The following GUCY1A2 variants were observed in gnomAD, a reference collection of about 807,000 sequenced individuals.
GUCY1A2 encodes guanylate cyclase soluble subunit alpha-2.
In GUCY1A2, 27 loss-of-function variants were observed where a neutral mutation model predicts 63.5. The ratio of observed to expected loss-of-function variants is 0.43; its 90% CI spans 0.31 to 0.59. GUCY1A2 has a LOEUF of 0.59. Among genes scored for constraint, GUCY1A2 ranks in the 20% least tolerant of loss-of-function variants. The pLI is 0.11. For synonymous variants in GUCY1A2, 364 were observed against 343.5 expected (o/e 1.06, Z -0.66); for missense variants, 768 against 913.3 (o/e 0.84, Z 2.05).
At chr11:106,895,958 G>A (rs1160217974) in intron 4 of GUCY1A2, among the ~76,000 whole-genome samples, 1 of 150,860 alleles carries the variant, frequency 6.6e-6, no homozygotes, top group Admixed American at 6.6e-5. Context: ...AGGTTTCAGT[G>A]AGCCAAGATC....
intron 1 of GUCY1A2, among the ~76,000 whole-genome samples, chr11:106,992,325 C>CT (rs11297661): frequency 0.043 from 4,940 of 113,748 alleles, 169 homozygotes; most frequent in African/African-American, 0.06. Flanking sequence ...AAGAATATGT[C>CT]TTTTTTTTTT....
chr11:106,844,646 G>A (rs1859247146), intron 4 of GUCY1A2, among the ~76,000 whole-genome samples: 1 of 151,820 alleles, frequency 6.6e-6, no homozygotes, highest in African/African-American at 2.4e-5. Flanking sequence ...TAAGCCTGTG[G>A]TCAAAGCAGA....
intron 3 of GUCY1A2, among the ~76,000 whole-genome samples, chr11:106,973,554 T>A (rs528931447): frequency 9.9e-5 from 15 of 152,086 alleles, no homozygotes; most frequent in Non-Finnish European, 1.9e-4. Flanking sequence ...TGTGACATCA[T>A]GACGATTCTA....
At chr11:107,012,516 G>C (rs1233784785) in intron 1 of GUCY1A2, among the ~76,000 whole-genome samples, 2 of 152,076 alleles carry the variant, frequency 1.3e-5, no homozygotes, top group African/African-American at 4.8e-5. Flanking sequence ...TCACAAAAGA[G>C]GAAACTAAGG....
intron 4 of GUCY1A2, among the ~76,000 whole-genome samples, chr11:106,929,553 T>C (rs946428335): frequency 6.6e-6 from 1 of 152,204 alleles, no homozygotes; most frequent in South Asian, 2.1e-4. Context: ...GTTTATAATA[T>C]GGATACTCTC....
chr11:107,007,305 C>T (rs944227391), intron 1 of GUCY1A2, among the ~76,000 whole-genome samples: 2 of 152,056 alleles, frequency 1.3e-5, no homozygotes, highest in East Asian at 1.9e-4. Flanking sequence ...TCAGCTACTC[C>T]GAGAGAGTGA....
At chr11:106,907,405 T>A (rs896185653) in intron 4 of GUCY1A2, among the ~76,000 whole-genome samples, 2 of 118,962 alleles carry the variant, frequency 1.7e-5, no homozygotes, top group Non-Finnish European at 1.8e-5. Flanking sequence ...TTCTTTTTTT[T>A]AATTTTATTA....
At chr11:106,796,353 A>T (rs1409671813) in intron 5 of GUCY1A2, among the ~76,000 whole-genome samples, 1 of 152,094 alleles carries the variant, frequency 6.6e-6, no homozygotes, top group Non-Finnish European at 1.5e-5. Context: ...GTCATTATGA[A>T]TTTAGCTGGT....
intron 3 of GUCY1A2, among the ~76,000 whole-genome samples, chr11:106,969,660 A>G (rs945790765): frequency 1.3e-5 from 2 of 152,236 alleles, no homozygotes; most frequent in Non-Finnish European, 2.9e-5. Context: ...TGAGTTTGAC[A>G]TATGAAGTGA....
At chr11:106,759,041 G>A (rs560288453) in intron 6 of GUCY1A2, among the ~76,000 whole-genome samples, 92 of 152,042 alleles carry the variant, frequency 6.1e-4, no homozygotes, top group African/African-American at 2.0e-3. Flanking sequence ...TCAAACAAAT[G>A]TAGTGACTAT....
Position 107,018,050 on chromosome 11 carries a change from A to C in GUCY1A2, c.6T>G (p.Ser2=), listed in dbSNP as rs370038508. The change falls in exon 1 of 8, where the codon TCT becomes TCG. Residue 2 remains serine, a synonymous_variant. Coordinates refer to ENST00000526355, the MANE Select transcript of GUCY1A2 (RefSeq NM_000855.3). ...AGGACTCGGACGAAATCTTCCTTCG[A>C]GACATGCTGCCGGCGGAGCTGCAGC... M[S]RRKISSESFS... The C allele has an allele frequency of 8.9e-6, 13 of 1,458,896 alleles. No individual in the cohort carries two copies. In the South Asian group the frequency reaches 1.7e-4, roughly 19 times the overall value. The allele number at this position is 1,458,896 out of a possible 1,614,324, so 90.4% of individuals were successfully genotyped here. A position where few individuals can be genotyped will look rare whatever the true frequency, so the allele number is the denominator to read the frequency against.
At chr11:106,740,580 T>G (rs1863675854) in intron 6 of GUCY1A2, among the ~76,000 whole-genome samples, 1 of 152,178 alleles carries the variant, frequency 6.6e-6, no homozygotes, top group South Asian at 2.1e-4. Context: ...TCCATGGATC[T>G]TTCCTCAAAT....
At chr11:106,718,503 A>G (rs1466495534) in intron 6 of GUCY1A2, among the ~76,000 whole-genome samples, 1 of 152,142 alleles carries the variant, frequency 6.6e-6, no homozygotes, top group Non-Finnish European at 1.5e-5. Context: ...CAGGGCACTC[A>G]TTAATGTGTA....
chr11:106,847,005 T>C (rs1859282528), intron 4 of GUCY1A2, among the ~76,000 whole-genome samples: 2 of 151,122 alleles, frequency 1.3e-5, no homozygotes, highest in South Asian at 4.2e-4. Flanking sequence ...TATAAGAAAA[T>C]AAAAGGTTCT....
chr11:106,948,145 A>G (rs1014798067), intron 3 of GUCY1A2, among the ~76,000 whole-genome samples: 1 of 152,178 alleles, frequency 6.6e-6, no homozygotes, highest in South Asian at 2.1e-4. Context: ...ATTAGGAAAA[A>G]AACTAGATGA....
At chr11:107,009,249 C>T (rs191048710) in intron 1 of GUCY1A2, among the ~76,000 whole-genome samples, 2,050 of 152,206 alleles carry the variant, frequency 0.013, 29 homozygotes, top group South Asian at 0.044. Context: ...GATATCTGAA[C>T]CTCCTATTGT....
chr11:106,822,921 G>C (rs1013583860), intron 4 of GUCY1A2, among the ~76,000 whole-genome samples: 2 of 152,118 alleles, frequency 1.3e-5, no homozygotes, highest in Non-Finnish European at 2.9e-5. Context: ...GGAGAATAGG[G>C]AATAGGATAC....
rs973478283 is a variant in GUCY1A2 at position 106,683,334 on chromosome 11, C to T, written c.*4215G>A. The T allele has an allele frequency of 5.4e-5, 12 of 222,852 alleles. No individual in the cohort carries two copies. The highest frequency in any genetic ancestry group is 1.4e-3 in the Middle Eastern group (1 of 720). The allele number at this position is 222,852 out of a possible 1,614,324, so 13.8% of individuals were successfully genotyped here. The stretch of plus-strand genomic sequence containing the variant: ...TTTCTAGATATTGTCAGCTGAAAGA[C>T]GCCTGGTGCTACCCAAAGCCTATTC... On this transcript the variant is annotated 3_prime_UTR_variant, in exon 8 of 8. Coordinates refer to ENST00000526355, the MANE Select transcript of GUCY1A2 (RefSeq NM_000855.3).
chr11:106,873,515 G>A (rs1484827578), intron 4 of GUCY1A2, among the ~76,000 whole-genome samples: 1 of 152,138 alleles, frequency 6.6e-6, no homozygotes, highest in African/African-American at 2.4e-5. Flanking sequence ...TTTCTCGGAC[G>A]ATCAGTGATG....
Sources: allele counts gnomAD v4.1 joint callset (sites outside exome capture counted in the v4.1 genomes callset), GRCh38; gene constraint gnomAD v4.1.1; transcripts MANE v1.5; gene names NCBI Gene and HGNC (gene_info 2026-07-23, HGNC 2026-07-21).